PSD3: variants seen among roughly 807,000 people sequenced by gnomAD.
PSD3 encodes the protein pleckstrin and Sec7 domain containing 3.
Under a neutral mutation model 105.5 loss-of-function variants are expected in PSD3, and 49 were observed. That is an observed-to-expected ratio of 0.46 (90% confidence interval 0.37 to 0.59). PSD3 has a LOEUF of 0.59. PSD3 is among the 20% of genes least tolerant of loss of function. PSD3 has a pLI of 0.00. For missense variants in PSD3, 1,561 were observed against 1,263.8 expected, an observed-to-expected ratio of 1.24 and a Z score of -3.57; for synonymous variants, 557 against 457.8, an observed-to-expected ratio of 1.22 and a Z score of -2.77.
chr8:18,852,743 A>G (rs535754513), intron 4 of PSD3, among the ~76,000 whole-genome samples: 1 of 152,312 alleles, frequency 6.6e-6, no homozygotes, highest in South Asian at 2.1e-4. Flanking sequence ...CTTGCCCACA[A>G]CTTCAAATTC....
intron 2 of PSD3, among the ~76,000 whole-genome samples, chr8:18,919,934 G>A (rs1026395194): frequency 4.6e-4 from 69 of 150,072 alleles, no homozygotes; most frequent in African/African-American, 1.4e-3. Context: ...GCACCAGCAC[G>A]GCACATGTAT....
chr8:19,078,042 T>A (rs73668931), intron 1 of PSD3, among the ~76,000 whole-genome samples: 2,886 of 152,134 alleles, frequency 0.019, 110 homozygotes, highest in African/African-American at 0.065. Context: ...AAAAATTTGT[T>A]CTTTTTGAGA....
chr8:18,867,613 T>G, intron 4 of PSD3, 61 bp downstream of exon 4: 1 of 1,518,852 alleles, frequency 6.6e-7, no homozygotes, highest in Non-Finnish European at 8.9e-7. Context: ...CACTCAGATT[T>G]CCCAGAAAAG....
At chr8:18,685,049 G>C (rs1373342176) in intron 9 of PSD3, among the ~76,000 whole-genome samples, 1 of 152,160 alleles carries the variant, frequency 6.6e-6, no homozygotes, top group Non-Finnish European at 1.5e-5. Context: ...GGAGGCTTTC[G>C]TGTTAATATA....
intron 10 of PSD3, among the ~76,000 whole-genome samples, chr8:18,648,733 A>G (rs1323284599): frequency 6.6e-6 from 1 of 152,180 alleles, no homozygotes; most frequent in Non-Finnish European, 1.5e-5. Flanking sequence ...ACAGGCCTGG[A>G]GGCTTAGGAG....
In PSD3 at chr8:18,533,472, G is replaced by A. The variant is rs1275979293; in HGVS notation, c.*2271C>T. The A allele has an allele frequency of 1.3e-5, 2 of 152,196 alleles. No individual in the cohort carries two copies. Among genetic ancestry groups the A allele is most frequent in the East Asian group, 3.9e-4 (2 of 5,192 alleles). 9.4% of individuals were successfully genotyped at this position (152,196 alleles called of 1,614,324 possible). On this transcript the variant is annotated 3_prime_UTR_variant, in exon 16 of 16. Transcript: ENST00000327040. The stretch of plus-strand genomic sequence containing the variant: ...TAGTGACTCATATGACACGGACAGT[G>A]CTATAGTGGTGCTGATGCTAGCCGA...
At chr8:18,734,389 A>C (rs1209093982) in intron 9 of PSD3, 1 of 152,224 alleles carries the variant, frequency 6.6e-6, no homozygotes. Context: ...AATACAGATT[A>C]AGACTCCCAA....
chr8:18,651,916 T>TCACAGAGGTTAAAGTA, intron 10 of PSD3, among the ~76,000 whole-genome samples: 1 of 152,148 alleles, frequency 6.6e-6, no homozygotes, highest in African/African-American at 2.4e-5. Context: ...CATAGGAACT[T>TCACAGAGGTTAAAGTA]CACAGAGGTT....
intron 9 of PSD3, among the ~76,000 whole-genome samples, chr8:18,706,096 C>T (rs1451992452): frequency 6.6e-6 from 1 of 152,130 alleles, no homozygotes; most frequent in African/African-American, 2.4e-5. Flanking sequence ...TCTTCCCTTC[C>T]ACCACAGGAA....
chr8:18,980,818 C>G (rs1825213128), intron 1 of PSD3, among the ~76,000 whole-genome samples: 1 of 152,160 alleles, frequency 6.6e-6, no homozygotes, highest in Non-Finnish European at 1.5e-5. Flanking sequence ...ACTATTTACA[C>G]CCTTCACCAT....
intron 4 of PSD3, among the ~76,000 whole-genome samples, chr8:18,855,376 C>T (rs1010184929): frequency 2.0e-5 from 3 of 152,022 alleles, no homozygotes; most frequent in Non-Finnish European, 4.4e-5. Context: ...CTGTGCACAT[C>T]GCCATGCTGT....
intron 9 of PSD3, among the ~76,000 whole-genome samples, chr8:18,693,215 C>T (rs1801067752): frequency 6.6e-6 from 1 of 152,176 alleles, no homozygotes; most frequent in African/African-American, 2.4e-5. Context: ...ACCAGCTTGA[C>T]ACATACGACC....
At chr8:18,772,525 TG>T in intron 8 of PSD3, among the ~76,000 whole-genome samples, 1 of 152,186 alleles carries the variant, frequency 6.6e-6, no homozygotes, top group Non-Finnish European at 1.5e-5. Flanking sequence ...ATTCTTTTTT[TG>T]AAATGGAGTT....
At chr8:19,044,535 A>AGCATCTACTACAGATATT (rs1828246472) in intron 1 of PSD3, among the ~76,000 whole-genome samples, 1 of 152,236 alleles carries the variant, frequency 6.6e-6, no homozygotes, top group East Asian at 1.9e-4. Flanking sequence ...TATCCTAGAA[A>AGCATCTACTACAGATATT]GCATCTACTA....
intron 9 of PSD3, among the ~76,000 whole-genome samples, chr8:18,658,706 T>C (rs1453448688): frequency 4.6e-5 from 7 of 152,064 alleles, no homozygotes; most frequent in Non-Finnish European, 8.8e-5. Context: ...TTTCTCCGTA[T>C]GAAAATCCTA....
At chr8:18,617,215 G>C (rs1563383657) in intron 11 of PSD3, among the ~76,000 whole-genome samples, 1 of 152,090 alleles carries the variant, frequency 6.6e-6, no homozygotes, top group Non-Finnish European at 1.5e-5. Context: ...AACAAACTGA[G>C]ATATTATATT....
rs73593588 is a variant in PSD3 at position 18,763,459 on chromosome 8, T to G, written c.2172+1990A>C. Reference sequence around the variant, plus strand: ...TATGTATGTATCTGTGTAGCACATATGTAACAATATTTTCCCCCAGAATTC... The same window carrying G: ...TATGTATGTATCTGTGTAGCACATAGGTAACAATATTTTCCCCCAGAATTC... On this transcript the variant is annotated intron_variant, in intron 9 of 15. Transcript: ENST00000327040. Among the ~76,000 whole-genome samples, 561 of 152,262 alleles carry G rather than the reference T, an allele frequency of 3.7e-3. 2 individuals are homozygous for G. The highest frequency in any genetic ancestry group is 0.013 in the African/African-American group (540 of 41,532).
intron 9 of PSD3, among the ~76,000 whole-genome samples, chr8:18,689,130 G>A (rs1229759086): frequency 6.6e-6 from 1 of 152,158 alleles, no homozygotes; most frequent in Non-Finnish European, 1.5e-5. Flanking sequence ...AAGAGTACCA[G>A]AGAAATGAAC....
intron 1 of PSD3, among the ~76,000 whole-genome samples, chr8:19,029,688 T>A (rs9694432): frequency 0.024 from 3,730 of 152,260 alleles, 147 homozygotes; most frequent in African/African-American, 0.084. Context: ...GGAACTACAA[T>A]TCAAGATGAG....
Sources: allele counts gnomAD v4.1 joint callset (sites outside exome capture counted in the v4.1 genomes callset), GRCh38; gene constraint gnomAD v4.1.1; transcripts MANE v1.5; gene names NCBI Gene and HGNC (gene_info 2026-07-23, HGNC 2026-07-21).